The following ZNF91 variants were observed in gnomAD, a reference collection of about 807,000 sequenced individuals.
ZNF91 encodes zinc finger protein 91.
Under a neutral mutation model 12.6 loss-of-function variants are expected in ZNF91, and 7 were observed. The ratio of observed to expected loss-of-function variants is 0.55; its 90% CI spans 0.31 to 1.04. The LOEUF (loss-of-function observed/expected upper bound fraction) is 1.04. ZNF91 is among the 50% of genes least tolerant of loss of function. ZNF91 has a pLI of 0.05. For synonymous variants in ZNF91, 453 were observed against 462.6 expected, an observed-to-expected ratio of 0.98 and a Z score of 0.27; for missense variants, 1,217 against 1,385.4, an observed-to-expected ratio of 0.88 and a Z score of 1.93.
chr19:23,325,102 C>G (rs912046289), intron 1 of ZNF91: 12 of 151,382 alleles, frequency 7.9e-5, no homozygotes, highest in Admixed American at 7.9e-4. Flanking sequence ...CTGATCTGAG[C>G]CTTGTTCTGC....
rs1968812388 is a variant in ZNF91 at position 23,362,092 on chromosome 19, C to T, written c.887G>A (p.Cys296Tyr). The change falls in exon 4 of 4, where the codon TGT (cysteine) becomes TAT (tyrosine). Residue 296 changes from cysteine (C) to tyrosine (Y), a missense_variant. Cys to Tyr is a radical substitution (Grantham distance 194, BLOSUM62 -2). This residue lies in a region of ZNF91 where 726 missense variants were observed against 895.5 expected (regional missense o/e 0.81). Transcript: ENST00000300619. ...GCTAAAAGCTTTGCCACATTCTTCA[C>T]ATTTGTAGGGTTTCTCTCCAGTGTG... ...RIHTGEKPYK[C>Y]EECGKAFSHS... 1 of 1,613,944 alleles carries T rather than the reference C, an allele frequency of 6.2e-7. No homozygotes were observed. The highest frequency in any genetic ancestry group is 8.5e-7 in the Non-Finnish European group (1 of 1,179,998).
chr19:23,306,284 A>G (rs1467603898), intron 3 of ZNF91, among the ~76,000 whole-genome samples: 1 of 152,194 alleles, frequency 6.6e-6, no homozygotes, highest in Non-Finnish European at 1.5e-5. Context: ...TGTTAATCTC[A>G]TTATTGGACC....
chr19:23,394,958 C>A (rs962765594), intron 1 of ZNF91, among the ~76,000 whole-genome samples: 2 of 152,100 alleles, frequency 1.3e-5, no homozygotes, highest in African/African-American at 4.8e-5. Context: ...GCCCTGGGAA[C>A]CCCACGGACT....
intron 3 of ZNF91, among the ~76,000 whole-genome samples, chr19:23,349,058 C>A (rs1194211033): frequency 6.6e-6 from 1 of 152,060 alleles, no homozygotes; most frequent in Non-Finnish European, 1.5e-5. Flanking sequence ...GCTCTTGAAC[C>A]CTGTTTCCTG....
intron 3 of ZNF91, chr19:23,342,061 A>G: frequency 3.1e-6 from 1 of 325,918 alleles, no homozygotes; most frequent in Admixed American, 4.8e-5. Flanking sequence ...GCTTTTTAGG[A>G]AACCTTTCCA....
intron 1 of ZNF91, among the ~76,000 whole-genome samples, chr19:23,385,756 G>T (rs1241604314): frequency 1.3e-5 from 2 of 152,122 alleles, no homozygotes; most frequent in African/African-American, 4.8e-5. Context: ...TCACCGTAGA[G>T]AATTCTCCAG....
At chr19:23,320,570 C>T (rs1967667683) in intron 1 of ZNF91, among the ~76,000 whole-genome samples, 1 of 152,108 alleles carries the variant, frequency 6.6e-6, no homozygotes, top group Non-Finnish European at 1.5e-5. Context: ...CTTATAAAAC[C>T]ATCAGATCTC....
At chr19:23,324,534 C>CATATGTAT (rs1335305396) in intron 1 of ZNF91, 2 of 149,008 alleles carry the variant, frequency 1.3e-5, no homozygotes, top group East Asian at 2.0e-4. Flanking sequence ...TATATATATA[C>CATATGTAT]GTATATACAT....
downstream of ZNF91, among the ~76,000 whole-genome samples, chr19:23,337,323 G>A (rs1304188717): frequency 6.6e-6 from 1 of 151,564 alleles, no homozygotes; most frequent in Non-Finnish European, 1.5e-5. Flanking sequence ...CACATACACA[G>A]ACATGTATAT....
exon 4 of ZNF91, chr19:23,338,962 G>C (rs1377488958): frequency 6.6e-6 from 1 of 151,530 alleles, no homozygotes; most frequent in Non-Finnish European, 1.5e-5. Context: ...TGAGACAGGA[G>C]AATCACTTCA....
intron 1 of ZNF91, chr19:23,324,798 C>A (rs1304693886): frequency 6.6e-6 from 1 of 152,014 alleles, no homozygotes; most frequent in Admixed American, 6.5e-5. Context: ...TCTGAAACTT[C>A]TGGGCGCAAG....
intron 3 of ZNF91, among the ~76,000 whole-genome samples, chr19:23,340,904 C>CA (rs1323977111): frequency 6.6e-6 from 1 of 151,262 alleles, no homozygotes; most frequent in African/African-American, 2.4e-5. Flanking sequence ...ACAAATAACT[C>CA]AAACAACTCA....
chr19:23,378,404 T>C (rs1969581090), intron 1 of ZNF91, among the ~76,000 whole-genome samples: 1 of 152,210 alleles, frequency 6.6e-6, no homozygotes, highest in Non-Finnish European at 1.5e-5. Context: ...TTCTGTTCTT[T>C]ATGCCACTGG....
chr19:23,357,092 T>G (rs545468359), downstream of ZNF91, among the ~76,000 whole-genome samples: 2 of 152,280 alleles, frequency 1.3e-5, no homozygotes, highest in South Asian at 4.1e-4. Flanking sequence ...CCGGGCGTGG[T>G]GATGCATGCC....
chr19:23,385,015 G>A (rs917701057), intron 1 of ZNF91: 3 of 1,223,318 alleles, frequency 2.5e-6, no homozygotes, highest in South Asian at 2.4e-5. Flanking sequence ...GTTGGAGAAC[G>A]GGACAGTCCA....
At chr19:23,342,714 G>A (rs1968149431) in intron 3 of ZNF91, among the ~76,000 whole-genome samples, 1 of 151,614 alleles carries the variant, frequency 6.6e-6, no homozygotes, top group African/African-American at 2.4e-5. Context: ...TCTACAAAGG[G>A]AGAAAATAGA....
intron 1 of ZNF91, among the ~76,000 whole-genome samples, chr19:23,321,003 T>C (rs946891612): frequency 6.6e-5 from 10 of 152,170 alleles, no homozygotes; most frequent in African/African-American, 2.4e-4. Context: ...CCAGAAAACA[T>C]TGAGAAGCTG....
intron 1 of ZNF91, among the ~76,000 whole-genome samples, chr19:23,386,397 T>C (rs1969875162): frequency 6.6e-6 from 1 of 152,202 alleles, no homozygotes; most frequent in Non-Finnish European, 1.5e-5. Context: ...TTACATTACC[T>C]GTTTTCAAAT....
chr19:23,315,633 C>T (rs1967545188), intron 1 of ZNF91, among the ~76,000 whole-genome samples: 1 of 152,208 alleles, frequency 6.6e-6, no homozygotes. Flanking sequence ...CCTGGTGCAG[C>T]ACCTACATAA....
Sources: allele counts gnomAD v4.1 joint callset (sites outside exome capture counted in the v4.1 genomes callset), GRCh38; gene constraint gnomAD v4.1.1; regional missense constraint gnomAD v4.1.1; transcripts MANE v1.5; gene names NCBI Gene and HGNC (gene_info 2026-07-23, HGNC 2026-07-21).